The following MCTP2 variants were observed in gnomAD, a reference collection of about 807,000 sequenced individuals.
MCTP2 encodes multiple C2 and transmembrane domain containing 2.
In MCTP2, 132 loss-of-function variants were observed where a neutral mutation model predicts 111.6. That is an observed-to-expected ratio of 1.18 (90% CI 1.03 to 1.37). The LOEUF (loss-of-function observed/expected upper bound fraction) is 1.37, where lower values mean the gene tolerates loss of function less well. Ranked by LOEUF, MCTP2 falls within the 40% of genes most tolerant of loss-of-function variation. MCTP2 has a pLI of 0.00. For synonymous variants in MCTP2, 395 were observed against 387.7 expected (o/e 1.02, Z -0.22); for missense variants, 1,183 against 1,067.9 (o/e 1.11, Z -1.50).
intron 16 of MCTP2, among the ~76,000 whole-genome samples, chr15:94,401,171 A>T (rs1378988551): frequency 6.6e-6 from 1 of 152,034 alleles, no homozygotes; most frequent in Non-Finnish European, 1.5e-5. Context: ...CTGAAATCCT[A>T]GGGTATGCTA....
chr15:94,362,013 C>T (rs1256905014), intron 10 of MCTP2, among the ~76,000 whole-genome samples: 3 of 152,080 alleles, frequency 2.0e-5, no homozygotes, highest in South Asian at 4.1e-4. Context: ...CATAGTCCAC[C>T]GACCTGCAGA....
rs534981748 is a variant in MCTP2, at chr15:94,479,584, G to A, written c.*550G>A. ...TTACCAGAATTAGCTCAAACCTTTAGGGATCTTTCAGCCATGATTATTAAG... is the reference window on the plus strand; with the variant it reads ...TTACCAGAATTAGCTCAAACCTTTAAGGATCTTTCAGCCATGATTATTAAG... On this transcript the variant is annotated 3_prime_UTR_variant, in exon 23 of 23. Coordinates refer to ENST00000357742, the MANE Select transcript of MCTP2 (RefSeq NM_001385001.1). The A allele has an allele frequency of 1.3e-5, 2 of 152,792 alleles. No homozygotes were observed. Among genetic ancestry groups the A allele is most frequent in the Middle Eastern group, 3.4e-3 (1 of 294 alleles). The allele number at this position is 152,792 out of a possible 1,614,324, so 9.5% of individuals were successfully genotyped here.
At chr15:94,446,059 G>T (rs141426586) in intron 19 of MCTP2, among the ~76,000 whole-genome samples, 1 of 152,242 alleles carries the variant, frequency 6.6e-6, no homozygotes, top group African/African-American at 2.4e-5. Context: ...AACAGGGATT[G>T]TTGTAAAATG....
intron 18 of MCTP2, 74 bp downstream of exon 18, chr15:94,440,372 A>T: frequency 6.3e-7 from 1 of 1,575,042 alleles, no homozygotes; most frequent in Non-Finnish European, 8.7e-7. Flanking sequence ...CCACCACCAA[A>T]TCATGGCCCA....
At chr15:94,341,668 T>A (rs2077647443) in intron 7 of MCTP2, 1 of 152,192 alleles carries the variant, frequency 6.6e-6, no homozygotes, top group Non-Finnish European at 1.5e-5. Flanking sequence ...TGTAGCTTTT[T>A]ATGATGAAAA....
At chr15:94,351,386 G>A (rs984658292) in intron 8 of MCTP2, among the ~76,000 whole-genome samples, 4 of 152,302 alleles carry the variant, frequency 2.6e-5, no homozygotes, top group South Asian at 2.1e-4. Flanking sequence ...GAAAAAGCTT[G>A]AAAGGAATAT....
intron 12 of MCTP2, among the ~76,000 whole-genome samples, chr15:94,381,399 A>G (rs982788980): frequency 6.6e-6 from 1 of 152,226 alleles, no homozygotes; most frequent in African/African-American, 2.4e-5. Flanking sequence ...AGTTGGTACA[A>G]TGTGTTCCTT....
chr15:94,439,496 A>G (rs530132851), intron 17 of MCTP2, among the ~76,000 whole-genome samples: 1 of 152,248 alleles, frequency 6.6e-6, no homozygotes, highest in Admixed American at 6.5e-5. Flanking sequence ...TATTTATCCT[A>G]ATTAGTGTGT....
chr15:94,405,262 A>G (rs2081844095), intron 17 of MCTP2, among the ~76,000 whole-genome samples: 1 of 152,232 alleles, frequency 6.6e-6, no homozygotes, highest in Non-Finnish European at 1.5e-5. Flanking sequence ...TTGAGAAAAC[A>G]TAAAATATTA....
chr15:94,372,891 TG>T (rs1445067070), intron 12 of MCTP2, among the ~76,000 whole-genome samples: 2 of 152,246 alleles, frequency 1.3e-5, no homozygotes, highest in Non-Finnish European at 2.9e-5. Context: ...TTTTATCATA[TG>T]TTTTTATTTT....
chr15:94,439,850 C>T (rs554981748), intron 17 of MCTP2, among the ~76,000 whole-genome samples: 19 of 152,284 alleles, frequency 1.2e-4, no homozygotes, highest in African/African-American at 4.3e-4. Flanking sequence ...TCACTTTTGG[C>T]AAAATTTGGT....
chr15:94,244,306 ATATACACATATG>A (rs1245056950), intron 1 of MCTP2, among the ~76,000 whole-genome samples: 4 of 148,510 alleles, frequency 2.7e-5, no homozygotes, highest in African/African-American at 4.9e-5. Context: ...GTATATATTT[ATATACACATATG>A]TATACACATG....
intron 17 of MCTP2, among the ~76,000 whole-genome samples, chr15:94,433,355 C>T (rs1009453731): frequency 9.9e-5 from 15 of 152,086 alleles, no homozygotes; most frequent in African/African-American, 2.4e-4. Context: ...ACCTACTGGT[C>T]GCTGCTGCAC....
At chr15:94,267,175 A>G (rs868715965) in intron 1 of MCTP2, among the ~76,000 whole-genome samples, 97 of 152,320 alleles carry the variant, frequency 6.4e-4, no homozygotes, top group African/African-American at 2.2e-3. Flanking sequence ...ATCATAATGT[A>G]GGTGGTTTCT....
chr15:94,336,825 T>C (rs895741354), intron 4 of MCTP2, among the ~76,000 whole-genome samples: 2 of 152,030 alleles, frequency 1.3e-5, no homozygotes, highest in African/African-American at 4.8e-5. Context: ...CCATGAATGC[T>C]TAACATGTTG....
chr15:94,242,017 G>T (rs955635238), intron 1 of MCTP2, among the ~76,000 whole-genome samples: 1 of 152,126 alleles, frequency 6.6e-6, no homozygotes, highest in African/African-American at 2.4e-5. Context: ...AATGATTAAG[G>T]AGAGAAAAGG....
Position 94,324,803 on chromosome 15 carries a change from ATTGT to A in MCTP2, c.637+9169_637+9172del, listed in dbSNP as rs200672851. On this transcript the variant is annotated intron_variant, in intron 4 of 22. Coordinates refer to ENST00000357742, the MANE Select transcript of MCTP2 (RefSeq NM_001385001.1). ...ACTATTATTAAATAATTGTTATCTT[ATTGT>A]TTATTATATTATTATTCAATTATTG... Among the ~76,000 whole-genome samples, 769 of 152,244 alleles carry A rather than the reference ATTGT, an allele frequency of 5.1e-3. 20 individuals are homozygous for A. The highest frequency in any genetic ancestry group is 0.035 in the Admixed American group (529 of 15,286).
At chr15:94,318,272 ATTTTTTTTTTTTTTTTT>A (rs199556945) in intron 4 of MCTP2, among the ~76,000 whole-genome samples, 7,504 of 143,224 alleles carry the variant, frequency 0.052, 649 homozygotes, top group African/African-American at 0.18. Context: ...CAAAAAAAAA[ATTTTTTTTTTTTTTTTT>A]TTTTTTTTTT....
intron 1 of MCTP2, among the ~76,000 whole-genome samples, chr15:94,244,353 C>G (rs952145675): frequency 6.7e-6 from 1 of 148,884 alleles, no homozygotes; most frequent in Non-Finnish European, 1.5e-5. Flanking sequence ...TACGTATACA[C>G]ATACATATGT....
Sources: gnomAD v4.1 joint callset for allele counts (sites outside exome capture counted in the v4.1 genomes callset) on GRCh38, gnomAD v4.1.1 for gene constraint, MANE v1.5 for transcripts, NCBI Gene and HGNC (gene_info 2026-07-23, HGNC 2026-07-21) for gene names.